STIM2: variants seen among roughly 807,000 people sequenced by gnomAD.
The protein encoded by STIM2 is stromal interaction molecule 2.
A neutral mutation model predicts 85.8 loss-of-function variants in STIM2; 31 were observed. That is an observed-to-expected ratio of 0.36 (90% CI 0.27 to 0.49). The LOEUF (loss-of-function observed/expected upper bound fraction) is 0.49, where lower values mean the gene tolerates loss of function less well. Ranked by LOEUF, STIM2 falls within the 20% of genes least tolerant of loss-of-function variation. The pLI, the probability that STIM2 is intolerant of heterozygous loss-of-function variation, is 0.98. For synonymous variants in STIM2, 356 were observed against 331.1 expected, an observed-to-expected ratio of 1.08 and a Z score of -0.82; for missense variants, 841 against 927.6, an observed-to-expected ratio of 0.91 and a Z score of 1.21.
rs1039884243 is a variant in STIM2 at position 26,892,530 on chromosome 4, G to C, written c.152-26974G>C. 4.6e-5 allele frequency among the ~76,000 whole-genome samples: 7 copies of C among 152,034 alleles called. No homozygotes were observed. In the East Asian group the frequency reaches 7.7e-4, roughly 17 times the overall value. ...GGATTTTAACATATGAATTTTTTTGGGGGGGGACGCATATATTCAGTCCAT... is the reference window on the plus strand; with the variant it reads ...GGATTTTAACATATGAATTTTTTTGCGGGGGGACGCATATATTCAGTCCAT... On this transcript the variant is annotated intron_variant, in intron 1 of 11. Coordinates refer to ENST00000467087, the MANE Select transcript of STIM2 (RefSeq NM_020860.4).
intron 1 of STIM2, among the ~76,000 whole-genome samples, chr4:26,886,244 G>A (rs894994425): frequency 1.3e-5 from 2 of 152,062 alleles, no homozygotes; most frequent in African/African-American, 4.8e-5. Flanking sequence ...TGAGAAGATT[G>A]TTTGAAATTT....
chr4:26,869,392 T>C (rs950322299), intron 1 of STIM2, among the ~76,000 whole-genome samples: 1 of 151,486 alleles, frequency 6.6e-6, no homozygotes, highest in African/African-American at 2.4e-5. Flanking sequence ...AGGGTTAAAG[T>C]GAGAAAGCCA....
chr4:26,885,995 GT>G (rs2109040841), intron 1 of STIM2, among the ~76,000 whole-genome samples: 2 of 151,470 alleles, frequency 1.3e-5, no homozygotes, highest in South Asian at 4.2e-4. Flanking sequence ...AGATACTTGA[GT>G]TTTAAGAAGC....
At chr4:26,920,312 A>G (rs1388874469) in intron 2 of STIM2, among the ~76,000 whole-genome samples, 3 of 152,190 alleles carry the variant, frequency 2.0e-5, no homozygotes, top group Admixed American at 2.0e-4. Flanking sequence ...AGATTCTACA[A>G]AGATATAGAT....
chr4:26,998,582 A>G (rs1326589092), intron 4 of STIM2, among the ~76,000 whole-genome samples: 1 of 152,108 alleles, frequency 6.6e-6, no homozygotes, highest in Non-Finnish European at 1.5e-5. Context: ...TTGTGAAAGG[A>G]TAATAAGTGA....
intron 1 of STIM2, among the ~76,000 whole-genome samples, chr4:26,871,285 C>T (rs551183141): frequency 6.6e-6 from 1 of 152,160 alleles, no homozygotes; most frequent in South Asian, 2.1e-4. Context: ...TAAAAAACCC[C>T]CCTGTGCCAA....
chr4:26,860,924 CTTT>C lies in STIM2; in HGVS notation c.-279_-277del, dbSNP rs529396311. The C allele has an allele frequency of 0.042, 40,764 of 977,594 alleles. 121 individuals are homozygous for C. Among genetic ancestry groups the C allele is most frequent in the African/African-American group, 0.092 (4,870 of 53,098 alleles). 60.6% of individuals were successfully genotyped at this position (977,594 alleles called of 1,614,324 possible). On this transcript the variant is annotated 5_prime_UTR_variant, in exon 1 of 12. Coordinates refer to ENST00000467087, the MANE Select transcript of STIM2 (RefSeq NM_020860.4). The stretch of plus-strand genomic sequence containing the variant: ...GACGCCGTACCTTTCTACCCCCCAC[CTTT>C]TTTTTTTTTTTTTTTAAATAACCGG...
intron 3 of STIM2, among the ~76,000 whole-genome samples, chr4:26,969,655 T>G (rs1726858206): frequency 6.6e-6 from 1 of 152,222 alleles, no homozygotes; most frequent in Non-Finnish European, 1.5e-5. Context: ...CTCAACTGCA[T>G]GAATCTGTTG....
Position 26,992,342 on chromosome 4 carries a change from TAAAC to T in STIM2, c.398-3035_398-3032del, listed in dbSNP as rs536771211. Among the ~76,000 whole-genome samples, 22 of 152,196 alleles carry T rather than the reference TAAAC, an allele frequency of 1.4e-4. No homozygotes were observed. The South Asian group carries it at 4.3e-3, about 30-fold the overall frequency. ...GCAGAAGACTTATACTTTACTGAAA[TAAAC>T]AGTTGTTGAAGTAACAATCATACAG... On this transcript the variant is annotated intron_variant, in intron 3 of 11. Transcript: ENST00000467087.
At position 26,994,267 on chromosome 4, in the gene STIM2, C is replaced by T. The variant is rs572940005; in HGVS notation, c.398-1112C>T. Among the ~76,000 whole-genome samples, 66 of 152,164 alleles carry T rather than the reference C, an allele frequency of 4.3e-4. 1 individual carries two copies. Among genetic ancestry groups the T allele is most frequent in the Admixed American group, 1.7e-3 (26 of 15,254 alleles). ...TAAAACAACTTTTGATCTCTGTCAC[C>T]GGCCCCTGCTCGTTTCCCCAATCTT... On this transcript the variant is annotated intron_variant, in intron 3 of 11. Transcript: ENST00000467087.
intron 4 of STIM2, among the ~76,000 whole-genome samples, chr4:26,996,991 TC>T (rs1436179150): frequency 1.3e-5 from 2 of 152,162 alleles, no homozygotes; most frequent in Non-Finnish European, 2.9e-5. Context: ...CTTGTCAAGA[TC>T]AACTCCTTAA....
chr4:26,979,317 A>C (rs1478002413), intron 3 of STIM2, among the ~76,000 whole-genome samples: 6 of 152,222 alleles, frequency 3.9e-5, no homozygotes, highest in African/African-American at 1.4e-4. Flanking sequence ...GTGCTGAGTT[A>C]GTTTGAAAAT....
intron 1 of STIM2, among the ~76,000 whole-genome samples, chr4:26,865,629 A>G (rs1722375669): frequency 1.3e-5 from 2 of 152,158 alleles, no homozygotes; most frequent in South Asian, 4.1e-4. Context: ...ATGATAGTTA[A>G]TGTATATATT....
At chr4:26,979,481 T>C (rs1466225086) in intron 3 of STIM2, among the ~76,000 whole-genome samples, 1 of 152,164 alleles carries the variant, frequency 6.6e-6, no homozygotes, top group Non-Finnish European at 1.5e-5. Context: ...CTTAAGAACG[T>C]GGAAGGTTTT....
At chr4:27,018,990 G>A (rs1433092387) in intron 11 of STIM2, among the ~76,000 whole-genome samples, 2 of 152,234 alleles carry the variant, frequency 1.3e-5, no homozygotes, top group African/African-American at 4.8e-5. Flanking sequence ...CATAGCAGCA[G>A]CGTATTTCAG....
chr4:26,861,087 C>G lies in STIM2; in HGVS notation c.-132C>G. ...GTCGCCGGCGGCGGTGGTGGCGCCT[C>G]GCGGAGCCGGCGAGCTGCAGGCGGC... On this transcript the variant is annotated 5_prime_UTR_variant, in exon 1 of 12. Transcript: ENST00000467087. 1 of 1,195,382 alleles carries G rather than the reference C, an allele frequency of 8.4e-7. No homozygotes were observed. Among genetic ancestry groups the G allele is most frequent in the Non-Finnish European group, 1.0e-6 (1 of 966,996 alleles). The allele number at this position is 1,195,382 out of a possible 1,614,324, so 74.0% of individuals were successfully genotyped here.
intron 11 of STIM2, chr4:27,021,437 A>C (rs1728908888): frequency 2.2e-6 from 1 of 456,162 alleles, no homozygotes; most frequent in East Asian, 6.9e-5. Context: ...GATAACACCA[A>C]GCAGAGGGAA....
rs771948250 is a variant in STIM2, at chr4:26,974,301, G to A, written c.397+16575G>A. ...ATGATGTTTGCTGGTTATTTTTCCCGTTAATTAATGCAGTTTCTTCCTAGC... is the reference window on the plus strand; with the variant it reads ...ATGATGTTTGCTGGTTATTTTTCCCATTAATTAATGCAGTTTCTTCCTAGC... On this transcript the variant is annotated intron_variant, in intron 3 of 11. Coordinates refer to ENST00000467087, the MANE Select transcript of STIM2 (RefSeq NM_020860.4). 1.1e-4 allele frequency among the ~76,000 whole-genome samples: 17 copies of A among 152,166 alleles called. 1 individual carries two copies. The Middle Eastern group carries it at 0.01, about 91-fold the overall frequency.
At chr4:26,991,038 C>G (rs1304917359) in intron 3 of STIM2, among the ~76,000 whole-genome samples, 1 of 152,008 alleles carries the variant, frequency 6.6e-6, no homozygotes, top group Non-Finnish European at 1.5e-5. Context: ...CTCAAAAAAA[C>G]TAAAAATAGA....
Sources: allele counts gnomAD v4.1 joint callset (sites outside exome capture counted in the v4.1 genomes callset), GRCh38; gene constraint gnomAD v4.1.1; transcripts MANE v1.5; gene names NCBI Gene and HGNC (gene_info 2026-07-23, HGNC 2026-07-21).